Variants in SLMAP observed in about 807,000 individuals in gnomAD.
The protein encoded by SLMAP is sarcolemmal membrane-associated protein.
Under a neutral mutation model 128.8 loss-of-function variants are expected in SLMAP, and 44 were observed. That is an observed-to-expected ratio of 0.34 (90% confidence interval 0.27 to 0.44). SLMAP has a LOEUF of 0.44. SLMAP is among the 20% of genes least tolerant of loss of function. The probability of loss-of-function intolerance (pLI) is 1.00; values close to 1 mark genes in which losing one functional copy is unlikely to be tolerated. For missense variants in SLMAP, 787 were observed against 985.3 expected (o/e 0.80, Z 2.69); for synonymous variants, 327 against 348.8 (o/e 0.94, Z 0.70).
chr3:57,887,077 GGAAAAAAAA>G (rs2095910042), intron 14 of SLMAP, among the ~76,000 whole-genome samples: 1 of 149,558 alleles, frequency 6.7e-6, no homozygotes, highest in Non-Finnish European at 1.5e-5. Flanking sequence ...CCTCATTTAA[GGAAAAAAAA>G]GAGAAAAAAG....
At chr3:57,811,962 A>G (rs997259869) in intron 2 of SLMAP, among the ~76,000 whole-genome samples, 10 of 152,158 alleles carry the variant, frequency 6.6e-5, no homozygotes, top group African/African-American at 2.4e-4. Context: ...TTCTCTATGT[A>G]TTCTGGATAC....
intron 4 of SLMAP, among the ~76,000 whole-genome samples, chr3:57,841,626 G>C (rs959467589): frequency 1.3e-5 from 2 of 152,040 alleles, no homozygotes; most frequent in African/African-American, 4.8e-5. Context: ...TTTATATTTT[G>C]ATGGATAATT....
At chr3:57,815,651 T>A (rs957970993) in intron 2 of SLMAP, among the ~76,000 whole-genome samples, 1 of 152,124 alleles carries the variant, frequency 6.6e-6, no homozygotes, top group Non-Finnish European at 1.5e-5. Flanking sequence ...TGGTTTTTTT[T>A]AATTAGAGCA....
intron 2 of SLMAP, among the ~76,000 whole-genome samples, chr3:57,774,509 A>AATC (rs2081429904): frequency 6.8e-6 from 1 of 147,400 alleles, no homozygotes; most frequent in African/African-American, 2.5e-5. Flanking sequence ...TTTAATAGAC[A>AATC]ATTATTATTA....
At chr3:57,881,216 GAAGA>G (rs1291827118) in intron 14 of SLMAP, among the ~76,000 whole-genome samples, 1 of 151,758 alleles carries the variant, frequency 6.6e-6, no homozygotes, top group Non-Finnish European at 1.5e-5. Flanking sequence ...TTTTAAAAAA[GAAGA>G]AAGAAAGCCT....
chr3:57,850,032 C>T (rs2094445572), intron 6 of SLMAP, among the ~76,000 whole-genome samples: 1 of 151,714 alleles, frequency 6.6e-6, no homozygotes, highest in Non-Finnish European at 1.5e-5. Flanking sequence ...TTTAATTAAC[C>T]AGGTGTGATG....
intron 2 of SLMAP, among the ~76,000 whole-genome samples, chr3:57,764,508 AAAAAG>A (rs1287502863): frequency 6.6e-6 from 1 of 151,870 alleles, no homozygotes; most frequent in Non-Finnish European, 1.5e-5. Context: ...TCTCAAAAAA[AAAAAG>A]AAAAGAAAAG....
At position 57,896,896 on chromosome 3, in the gene SLMAP, C is replaced by CTAAAT. The variant is rs1245764569; in HGVS notation, c.1466_1470dup (p.Glu491Ter). The CTAAAT allele has an allele frequency of 6.2e-7, 1 of 1,611,286 alleles. No homozygotes were observed. The highest frequency in any genetic ancestry group is 8.5e-7 in the Non-Finnish European group (1 of 1,179,130). On this transcript the variant is annotated frameshift_variant, in exon 17 of 25. Transcript: ENST00000671191. LOFTEE classifies it high-confidence loss of function. The stretch of plus-strand genomic sequence containing the variant: ...AGACGCCCAAATGGATGAGCAAGAC[C>CTAAAT]TAAATGAGCCTCTTGCCAAAGTGTC...
In SLMAP at chr3:57,886,547, A is replaced by T. The variant is rs370540041; in HGVS notation, c.1301-3494A>T. ...GGAAGATTGAGGAGAAGGTAGAGGAAATGTCCCAGAAAATATAAGAAAAAG... is the reference window on the plus strand; with the variant it reads ...GGAAGATTGAGGAGAAGGTAGAGGATATGTCCCAGAAAATATAAGAAAAAG... On this transcript the variant is annotated intron_variant, in intron 14 of 24. Transcript: ENST00000671191. Among the ~76,000 whole-genome samples the T allele has an allele frequency of 1.7e-4, 26 of 152,116 alleles. No individual in the cohort carries two copies. In the South Asian group the frequency reaches 5.4e-3, roughly 32 times the overall value.
chr3:57,843,304 C>CCTTTTTTTTTTTTTTTTTTTTTTTT (rs2094035571), intron 4 of SLMAP, among the ~76,000 whole-genome samples: 1 of 95,084 alleles, frequency 1.1e-5, no homozygotes, highest in African/African-American at 4.0e-5. Flanking sequence ...TCTTTCTTTT[C>CCTTTTTTTTTTTTTTTTTTTTTTTT]CTTTTTTTTT....
At position 57,929,447 on chromosome 3, in the gene SLMAP, C is replaced by A. The variant is rs1386494377; in HGVS notation, c.*2158C>A. On this transcript the variant is annotated 3_prime_UTR_variant, in exon 25 of 25. Coordinates refer to ENST00000671191, the MANE Select transcript of SLMAP (RefSeq NM_001377540.1). Reference sequence around the variant, plus strand: ...TAAGGTCTAGTATCAATATTTACTTCATTCAAGTGGAATAAATGGCTTTTT... The same window carrying A: ...TAAGGTCTAGTATCAATATTTACTTAATTCAAGTGGAATAAATGGCTTTTT... Among the ~76,000 whole-genome samples, 1 of 152,154 alleles carries A rather than the reference C, an allele frequency of 6.6e-6. No individual in the cohort carries two copies. The highest frequency in any genetic ancestry group is 1.5e-5 in the Non-Finnish European group (1 of 68,018).
chr3:57,777,379 G>A (rs983578768), intron 2 of SLMAP, among the ~76,000 whole-genome samples: 4 of 152,054 alleles, frequency 2.6e-5, no homozygotes, highest in Non-Finnish European at 4.4e-5. Context: ...TACATTGAGG[G>A]AAAAGATTAA....
At chr3:57,793,692 T>G (rs899551349) in intron 2 of SLMAP, among the ~76,000 whole-genome samples, 1 of 152,172 alleles carries the variant, frequency 6.6e-6, no homozygotes, top group African/African-American at 2.4e-5. Flanking sequence ...TCTGCCCATA[T>G]CTCCTTCAGT....
intron 21 of SLMAP, among the ~76,000 whole-genome samples, chr3:57,915,036 C>T (rs1232719348): frequency 6.6e-6 from 1 of 151,812 alleles, no homozygotes; most frequent in Non-Finnish European, 1.5e-5. Context: ...TAGGTGTGTG[C>T]CACCATGCCT....
At chr3:57,757,920 A>T in intron 2 of SLMAP, 71 bp downstream of exon 2, 1 of 1,333,356 alleles carries the variant, frequency 7.5e-7, no homozygotes, top group South Asian at 1.2e-5. Context: ...CCCTGAGAGG[A>T]CTAATGTATG....
At chr3:57,805,016 T>A (rs964475590) in intron 2 of SLMAP, among the ~76,000 whole-genome samples, 3 of 152,234 alleles carry the variant, frequency 2.0e-5, no homozygotes, top group Non-Finnish European at 4.4e-5. Flanking sequence ...TGACTTTTTT[T>A]AATCTCTTGT....
chr3:57,757,468 T>G lies in SLMAP; in HGVS notation c.-184T>G. ...GCGTTTTAAAGGAGGTGATGGGGCT[T>G]GCGCTGGCTTGTCTTCCCACCCAAG... is the stretch of plus-strand genomic sequence containing the variant. On this transcript the variant is annotated 5_prime_UTR_variant, in exon 2 of 25. Coordinates refer to ENST00000671191, the MANE Select transcript of SLMAP (RefSeq NM_001377540.1). 1 of 619,844 alleles carries G rather than the reference T, an allele frequency of 1.6e-6. No individual in the cohort carries two copies. The highest frequency in any genetic ancestry group is 2.8e-6 in the Non-Finnish European group (1 of 350,894). The allele number at this position is 619,844 out of a possible 1,614,324, so 38.4% of individuals were successfully genotyped here.
intron 17 of SLMAP, chr3:57,899,184 T>C (rs1252229550): frequency 6.6e-6 from 1 of 152,216 alleles, no homozygotes; most frequent in Middle Eastern, 3.2e-3. Context: ...ACTTGCCAGA[T>C]AATCAGGAAA....
At chr3:57,826,484 C>T (rs1355789589) in intron 2 of SLMAP, among the ~76,000 whole-genome samples, 2 of 152,118 alleles carry the variant, frequency 1.3e-5, no homozygotes, top group African/African-American at 4.8e-5. Context: ...ATTCACAGAG[C>T]TCCCTCTTCT....
Sources: gnomAD v4.1 joint callset for allele counts (sites outside exome capture counted in the v4.1 genomes callset) on GRCh38, gnomAD v4.1.1 for gene constraint, MANE v1.5 for transcripts, NCBI Gene and HGNC (gene_info 2026-07-23, HGNC 2026-07-21) for gene names.